The following SLC38A11 variants were observed in gnomAD, a reference collection of about 807,000 sequenced individuals.
SLC38A11 encodes the protein solute carrier family 38 member 11.
SLC38A11 carries 51 observed loss-of-function variants against 49.4 expected under a neutral mutation model. That is an observed-to-expected ratio of 1.03 (90% CI 0.83 to 1.30). The LOEUF (loss-of-function observed/expected upper bound fraction) is 1.30, where lower values mean the gene tolerates loss of function less well. SLC38A11 is among the 50% of genes most tolerant of loss of function. SLC38A11 has a pLI of 0.00. For synonymous variants in SLC38A11, 203 were observed against 192.9 expected, an observed-to-expected ratio of 1.05 and a Z score of -0.43; for missense variants, 574 against 556.2, an observed-to-expected ratio of 1.03 and a Z score of -0.32.
At chr2:164,931,926 A>T (rs1238051855) in intron 7 of SLC38A11, among the ~76,000 whole-genome samples, 1 of 152,206 alleles carries the variant, frequency 6.6e-6, no homozygotes, top group African/African-American at 2.4e-5. Context: ...GACAAATAGG[A>T]TCTACTCGAC....
chr2:164,900,709 T>G (rs1684595177), intron 11 of SLC38A11, among the ~76,000 whole-genome samples: 1 of 152,096 alleles, frequency 6.6e-6, no homozygotes, highest in Non-Finnish European at 1.5e-5. Flanking sequence ...TGACCCTTTA[T>G]CAGTTAGATG....
At chr2:164,949,491 C>T (rs1017974928) in intron 3 of SLC38A11, among the ~76,000 whole-genome samples, 1 of 152,202 alleles carries the variant, frequency 6.6e-6, no homozygotes, top group Non-Finnish European at 1.5e-5. Context: ...TTTCTGACCT[C>T]AAGTGATCCA....
chr2:164,951,240 G>A (rs1174157371), intron 3 of SLC38A11, among the ~76,000 whole-genome samples: 2 of 152,102 alleles, frequency 1.3e-5, no homozygotes, highest in Non-Finnish European at 2.9e-5. Flanking sequence ...TGTTTACAAT[G>A]TATGTAAATG....
chr2:164,905,243 G>A (rs561810085), intron 11 of SLC38A11, among the ~76,000 whole-genome samples: 4 of 151,870 alleles, frequency 2.6e-5, no homozygotes, highest in South Asian at 2.1e-4. Context: ...TCAGCCTCCC[G>A]AGTGGTTGGG....
chr2:164,930,631 A>G (rs1686934962), intron 7 of SLC38A11, among the ~76,000 whole-genome samples: 1 of 152,212 alleles, frequency 6.6e-6, no homozygotes, highest in Admixed American at 6.5e-5. Context: ...GATTCATTGC[A>G]TAAAAAGAAC....
At chr2:164,911,968 T>C in intron 9 of SLC38A11, 1 of 326,798 alleles carries the variant, frequency 3.1e-6, no homozygotes, top group Middle Eastern at 8.9e-4. Context: ...AAACATGCTG[T>C]AGAGGTTTAT....
At chr2:164,952,123 G>A (rs1422658473) in intron 3 of SLC38A11, among the ~76,000 whole-genome samples, 1 of 152,184 alleles carries the variant, frequency 6.6e-6, no homozygotes, top group Non-Finnish European at 1.5e-5. Flanking sequence ...ATTTAAATGG[G>A]AGAGTGACAA....
At chr2:164,943,172 G>T (rs559148486) in intron 5 of SLC38A11, among the ~76,000 whole-genome samples, 1 of 152,166 alleles carries the variant, frequency 6.6e-6, no homozygotes, top group African/African-American at 2.4e-5. Context: ...ATGTAGCTTG[G>T]ATGAGAAGCT....
At chr2:164,902,016 T>C (rs1684683246) in intron 11 of SLC38A11, among the ~76,000 whole-genome samples, 1 of 150,982 alleles carries the variant, frequency 6.6e-6, no homozygotes, top group Non-Finnish European at 1.5e-5. Flanking sequence ...TAATCATGTG[T>C]TTTTTGTTTT....
At chr2:164,951,654 G>C (rs1688529948) in intron 3 of SLC38A11, among the ~76,000 whole-genome samples, 1 of 152,194 alleles carries the variant, frequency 6.6e-6, no homozygotes, top group Non-Finnish European at 1.5e-5. Context: ...GGAAGCCTGA[G>C]GTTTTACGAG....
At chr2:164,908,564 C>A in intron 11 of SLC38A11, 76 bp downstream of exon 11, 1 of 1,315,022 alleles carries the variant, frequency 7.6e-7, no homozygotes, top group Admixed American at 2.8e-5. Flanking sequence ...AAGGAAAATA[C>A]ATCTTATGTT....
intron 7 of SLC38A11, among the ~76,000 whole-genome samples, chr2:164,933,354 T>G (rs893720717): frequency 2.6e-5 from 4 of 152,080 alleles, no homozygotes; most frequent in African/African-American, 9.7e-5. Flanking sequence ...TAAATTTCCT[T>G]GCCACCTCAG....
rs893954400 is a variant in SLC38A11 at position 164,952,791 on chromosome 2, C to A, written c.155-10G>T. On this transcript the variant is annotated splice_polypyrimidine_tract_variant and intron_variant, in intron 2 of 11. Coordinates refer to ENST00000685975, the MANE Select transcript of SLC38A11 (RefSeq NM_001351537.2). ...ATTGAATAAGGCAATCCTGAAAAAA[C>A]ATAAAATGCCCCACCCTTCACATTA... 2 of 1,588,354 alleles carry A rather than the reference C, an allele frequency of 1.3e-6. No homozygotes were observed. The highest frequency in any genetic ancestry group is 1.7e-6 in the Non-Finnish European group (2 of 1,171,134).
intron 7 of SLC38A11, among the ~76,000 whole-genome samples, chr2:164,931,703 G>A (rs1012986453): frequency 3.3e-5 from 5 of 152,094 alleles, no homozygotes; most frequent in Non-Finnish European, 1.5e-5. Flanking sequence ...ATGATCCTGG[G>A]ATAACTAGCT....
At chr2:164,937,329 A>C (rs1190942397) in intron 7 of SLC38A11, 21 bp downstream of exon 7, 1 of 1,534,718 alleles carries the variant, frequency 6.5e-7, no homozygotes, top group Non-Finnish European at 9.0e-7. Context: ...AAAGACTGAC[A>C]AATATAACAA....
At chr2:164,935,282 C>G (rs995806402) in intron 7 of SLC38A11, among the ~76,000 whole-genome samples, 1 of 151,488 alleles carries the variant, frequency 6.6e-6, no homozygotes, top group African/African-American at 2.4e-5. Flanking sequence ...TCTCAGGGCA[C>G]AACACAATCA....
chr2:164,906,020 T>A (rs928430984), intron 11 of SLC38A11, among the ~76,000 whole-genome samples: 1 of 152,120 alleles, frequency 6.6e-6, no homozygotes, highest in Non-Finnish European at 1.5e-5. Context: ...CAATTAACTT[T>A]ACAGAAAGTA....
At chr2:164,920,414 C>A (rs988847344) in intron 7 of SLC38A11, among the ~76,000 whole-genome samples, 1 of 151,946 alleles carries the variant, frequency 6.6e-6, no homozygotes, top group Non-Finnish European at 1.5e-5. Context: ...CTTGGACACC[C>A]AATTAAACAT....
At chr2:164,927,487 CA>C (rs1384124746) in intron 7 of SLC38A11, among the ~76,000 whole-genome samples, 3 of 152,084 alleles carry the variant, frequency 2.0e-5, no homozygotes, top group Non-Finnish European at 2.9e-5. Flanking sequence ...AGAAAATTAT[CA>C]AAGGAGGGCC....
Sources: allele counts gnomAD v4.1 joint callset (sites outside exome capture counted in the v4.1 genomes callset), GRCh38; gene constraint gnomAD v4.1.1; transcripts MANE v1.5; gene names NCBI Gene and HGNC (gene_info 2026-07-23, HGNC 2026-07-21).